Variants in PARP4 observed in about 807,000 individuals in gnomAD.
PARP4 encodes protein mono-ADP-ribosyltransferase PARP4.
A neutral mutation model predicts 187.7 loss-of-function variants in PARP4; 120 were observed. That is an observed-to-expected ratio of 0.64 (90% CI 0.55 to 0.74). The LOEUF (loss-of-function observed/expected upper bound fraction) is 0.74, where lower values mean the gene tolerates loss of function less well. Ranked by LOEUF, PARP4 falls within the 30% of genes least tolerant of loss-of-function variation. The probability of loss-of-function intolerance (pLI) is 0.00; values close to 1 mark genes in which losing one functional copy is unlikely to be tolerated. For missense variants in PARP4, 1,836 were observed against 2,070.5 expected, an observed-to-expected ratio of 0.89 and a Z score of 2.20; for synonymous variants, 654 against 740.9, an observed-to-expected ratio of 0.88 and a Z score of 1.90.
rs1025664572 is a variant in PARP4, at chr13:24,488,650, G to A, written c.1214+2018C>T. ...ATTACAGGCATGAGCCACCATGCCCGGCCCGGACTTTTTAAAAATTAAAGT... is the reference window on the plus strand; with the variant it reads ...ATTACAGGCATGAGCCACCATGCCCAGCCCGGACTTTTTAAAAATTAAAGT... On this transcript the variant is annotated intron_variant, in intron 10 of 33. Transcript: ENST00000381989. 3.2e-4 allele frequency among the ~76,000 whole-genome samples: 48 copies of A among 152,040 alleles called. 1 individual carries two copies. Among genetic ancestry groups the A allele is most frequent in the Non-Finnish European group, 1.5e-5 (1 of 68,020 alleles).
chr13:24,421,146 A>G lies in PARP4; in HGVS notation c.5148T>C (p.His1716=). ...AGCCTTGACTGTAATGGAGGACTCT[A>G]TGAAGAGGGGACACAGTGCTTATGG... ...LQPISTVSPL[H]RVLHYSQG is the part of the protein sequence containing the mutation. The change falls in exon 34 of 34, where the codon CAT becomes CAC. Residue 1716 remains histidine (H), a synonymous_variant. Coordinates refer to ENST00000381989, the MANE Select transcript of PARP4 (RefSeq NM_006437.4). 2.0e-6 allele frequency: 3 copies of G among 1,470,944 alleles called. No individual in the cohort carries two copies. The South Asian group carries it at 4.2e-5, about 20-fold the overall frequency. The allele number at this position is 1,470,944 out of a possible 1,614,324, so 91.1% of individuals were successfully genotyped here.
intron 5 of PARP4, 35 bp downstream of exon 5, chr13:24,499,266 T>G: frequency 6.9e-7 from 1 of 1,439,344 alleles, no homozygotes; most frequent in East Asian, 2.6e-5. Flanking sequence ...GGTGTGTTTT[T>G]TTTTTTTTTT....
rs1052729449 is a variant in PARP4 at position 24,456,710 on chromosome 13, C to A, written c.2425-232G>T. Among the ~76,000 whole-genome samples, 106 of 152,042 alleles carry A rather than the reference C, an allele frequency of 7.0e-4. 1 individual carries two copies. Among genetic ancestry groups the A allele is most frequent in the African/African-American group, 4.8e-5 (2 of 41,384 alleles). ...TGGGTGGAGTTTGAGGCCAGCCTGGCCAACATGGTGAAACCCTGTCTCTAC... is the reference window on the plus strand; with the variant it reads ...TGGGTGGAGTTTGAGGCCAGCCTGGACAACATGGTGAAACCCTGTCTCTAC... On this transcript the variant is annotated intron_variant, in intron 20 of 33. Coordinates refer to ENST00000381989, the MANE Select transcript of PARP4 (RefSeq NM_006437.4).
chr13:24,496,148 G>A (rs1203357688), intron 6 of PARP4, among the ~76,000 whole-genome samples: 1 of 151,228 alleles, frequency 6.6e-6, no homozygotes, highest in East Asian at 1.9e-4. Context: ...TGGCCTAAAC[G>A]ATGCTATGGT....
intron 17 of PARP4, among the ~76,000 whole-genome samples, chr13:24,466,852 T>A (rs1334995006): frequency 7.2e-6 from 1 of 138,018 alleles, no homozygotes. Flanking sequence ...TACAATGGAA[T>A]CATTTAAAAA....
At chr13:24,483,766 A>G (rs1373878047) in intron 12 of PARP4, among the ~76,000 whole-genome samples, 1 of 152,068 alleles carries the variant, frequency 6.6e-6, no homozygotes, top group Admixed American at 6.5e-5. Context: ...AGCTGGGACT[A>G]CAGGTGCACA....
chr13:24,447,392 GCT>G (rs555774847), intron 25 of PARP4, among the ~76,000 whole-genome samples: 32 of 152,258 alleles, frequency 2.1e-4, no homozygotes, highest in Admixed American at 4.6e-4. Flanking sequence ...ATGGAGTTTT[GCT>G]CTGTCGCCCA....
chr13:24,440,435 A>G (rs1870867291), intron 30 of PARP4, among the ~76,000 whole-genome samples: 4 of 151,360 alleles, frequency 2.6e-5, no homozygotes, highest in South Asian at 4.2e-4. Context: ...AAAAAAAAAA[A>G]AAAGAAATCA....
At chr13:24,473,068 C>T (rs1248124862) in intron 15 of PARP4, among the ~76,000 whole-genome samples, 2 of 151,976 alleles carry the variant, frequency 1.3e-5, no homozygotes, top group African/African-American at 4.8e-5. Context: ...GTAGATGGGA[C>T]TACAGGTGTA....
At chr13:24,464,553 T>C (rs1872361470) in intron 17 of PARP4, among the ~76,000 whole-genome samples, 1 of 152,158 alleles carries the variant, frequency 6.6e-6, no homozygotes, top group African/African-American at 2.4e-5. Flanking sequence ...GGGGAAAAGA[T>C]TCCCTATTTA....
At chr13:24,467,623 T>C (rs9511292) in intron 17 of PARP4, among the ~76,000 whole-genome samples, 77,385 of 152,002 alleles carry the variant, frequency 0.51, 20,017 homozygotes, top group South Asian at 0.65. Context: ...TATATAACAA[T>C]GCATGAATAC....
In PARP4 at chr13:24,434,822, G is replaced by A; in HGVS notation, c.4319C>T (p.Ser1440Phe). The change falls in exon 31 of 34, where the codon TCT (serine) becomes TTT (phenylalanine). Residue 1440 changes from serine (S) to phenylalanine (F), a missense_variant. Physicochemically the swap from Ser to Phe is radical, Grantham distance 155. This residue lies in a region of PARP4 where 450 missense variants were observed against 439.2 expected (regional missense o/e 1.02). Coordinates refer to ENST00000381989, the MANE Select transcript of PARP4 (RefSeq NM_006437.4). Reference protein sequence around the residue: ...PELDSPQLHFSLPTDPDPIRG... With the variant: ...PELDSPQLHFFLPTDPDPIRG... ...GATGGGATCAGGGTCTGTAGGAAGA[G>A]AGAAATGAAGCTGGGGAGAATCCAG... 1 of 1,613,548 alleles carries A rather than the reference G, an allele frequency of 6.2e-7. No individual in the cohort carries two copies. Among genetic ancestry groups the A allele is most frequent in the Non-Finnish European group, 8.5e-7 (1 of 1,179,792 alleles).
chr13:24,488,475 C>T (rs532388812), intron 10 of PARP4, among the ~76,000 whole-genome samples: 2 of 152,154 alleles, frequency 1.3e-5, no homozygotes, highest in East Asian at 3.9e-4. Flanking sequence ...TGCCTCAGCC[C>T]CTGGAGTAAC....
At chr13:24,500,249 T>G (rs927352859) in intron 4 of PARP4, 67 bp downstream of exon 4, 2 of 827,566 alleles carry the variant, frequency 2.4e-6, no homozygotes, top group Non-Finnish European at 3.9e-6. Context: ...TTTAATACTG[T>G]GCTTGAGGTT....
At chr13:24,459,798 T>C (rs1872105040) in intron 18 of PARP4, among the ~76,000 whole-genome samples, 174 bp downstream of exon 18, 1 of 152,224 alleles carries the variant, frequency 6.6e-6, no homozygotes, top group African/African-American at 2.4e-5. Context: ...CTGTAACTTT[T>C]ATTCTTTTCA....
intron 27 of PARP4, among the ~76,000 whole-genome samples, chr13:24,445,285 A>T (rs893463828): frequency 3.3e-5 from 5 of 152,058 alleles, no homozygotes; most frequent in Admixed American, 3.3e-4. Flanking sequence ...TGTATTTGTT[A>T]TTCCTAACAG....
intron 20 of PARP4, 104 bp from the exon 21 acceptor site, chr13:24,456,582 C>T: frequency 9.7e-7 from 1 of 1,032,768 alleles, no homozygotes; most frequent in Non-Finnish European, 1.3e-6. Flanking sequence ...GCTTACATAA[C>T]TCTATTAAGA....
Position 24,459,051 on chromosome 13 carries a change from T to G in PARP4, c.2417A>C (p.Lys806Thr). 2.5e-6 allele frequency: 4 copies of G among 1,600,916 alleles called. No individual in the cohort carries two copies. The highest frequency in any genetic ancestry group is 3.4e-6 in the Non-Finnish European group (4 of 1,168,776). The stretch of plus-strand genomic sequence containing the variant: ...AATCAAAGATGCACTAACCTTTTGT[T>G]TCAGTTCATGTGTATCACTGAAAAT... Reference protein sequence around the residue: ...EFIFSDTHELKQKRTDCKAVI... With the variant: ...EFIFSDTHELTQKRTDCKAVI... Residue 806 changes from lysine to threonine, a missense_variant, in exon 20 of 34, where the codon AAA (lysine) becomes ACA (threonine). This residue lies in a region of PARP4 where 1,147 missense variants were observed against 1,214.2 expected (regional missense o/e 0.94). Coordinates refer to ENST00000381989, the MANE Select transcript of PARP4 (RefSeq NM_006437.4).
chr13:24,466,360 T>A (rs1242408755), intron 17 of PARP4, among the ~76,000 whole-genome samples: 1 of 152,108 alleles, frequency 6.6e-6, no homozygotes, highest in Non-Finnish European at 1.5e-5. Context: ...TTTTGTATTT[T>A]TTGTAGATCT....
Sources: allele counts gnomAD v4.1 joint callset (sites outside exome capture counted in the v4.1 genomes callset), GRCh38; gene constraint gnomAD v4.1.1; regional missense constraint gnomAD v4.1.1; transcripts MANE v1.5; gene names NCBI Gene and HGNC (gene_info 2026-07-23, HGNC 2026-07-21).